Variants in CLHC1 observed in about 807,000 individuals in gnomAD.
CLHC1 encodes the protein clathrin heavy chain linker domain-containing protein 1.
Under a neutral mutation model 69.5 loss-of-function variants are expected in CLHC1, and 72 were observed. That is an observed-to-expected ratio of 1.04 (90% confidence interval 0.86 to 1.26). The LOEUF is 1.26. CLHC1 is among the 50% of genes most tolerant of loss of function. The pLI is 0.00. For synonymous variants in CLHC1, 223 were observed against 224.3 expected, an observed-to-expected ratio of 0.99 and a Z score of 0.05; for missense variants, 790 against 679.3, an observed-to-expected ratio of 1.16 and a Z score of -1.81.
chr2:55,212,896 T>G, intron 4 of CLHC1, 90 bp from the exon 5 acceptor site: 1 of 1,016,618 alleles, frequency 9.8e-7, no homozygotes, highest in East Asian at 2.5e-5. Flanking sequence ...ATCATTACTT[T>G]ATTTTGAACC....
upstream of CLHC1, chr2:55,232,478 T>G: frequency 2.6e-6 from 1 of 383,308 alleles, no homozygotes; most frequent in East Asian, 5.7e-5. Context: ...ATCTTTTACG[T>G]TGCTTAAACC....
chr2:55,202,200 T>C (rs542073717), intron 9 of CLHC1, among the ~76,000 whole-genome samples: 4 of 151,426 alleles, frequency 2.6e-5, no homozygotes, highest in Admixed American at 2.6e-4. Flanking sequence ...GGCATCCAAA[T>C]TGGAAAGGAA....
At chr2:55,224,457 T>A in intron 2 of CLHC1, 1 of 404,742 alleles carries the variant, frequency 2.5e-6, no homozygotes, top group Non-Finnish European at 5.1e-6. Context: ...AGATTCCTGG[T>A]CCTTAGCTGG....
In CLHC1 at chr2:55,224,881, C is replaced by T. The variant is rs1674541906; in HGVS notation, c.-82-2388G>A. 3.4e-5 allele frequency: 7 copies of T among 207,998 alleles called. No individual in the cohort carries two copies. In the East Asian group the frequency reaches 1.1e-3, roughly 32 times the overall value. 12.9% of individuals were successfully genotyped at this position (207,998 alleles called of 1,614,324 possible). On this transcript the variant is annotated intron_variant, in intron 2 of 12. Coordinates refer to ENST00000401408, the MANE Select transcript of CLHC1 (RefSeq NM_152385.4). ...GGCTGGGTCAACTGGCAGCACCCTG[C>T]ACGGAGCTCCTGGGCCAGCCTGCGC... is the stretch of plus-strand genomic sequence containing the variant.
At position 55,222,420 on chromosome 2, in the gene CLHC1, A is replaced by G; in HGVS notation, c.-9T>C. 6.2e-7 allele frequency: 1 copy of G among 1,611,710 alleles called. No homozygotes were observed. Among genetic ancestry groups the G allele is most frequent in the Non-Finnish European group, 8.5e-7 (1 of 1,178,944 alleles). ...ATTTGATGAACTGACATATTTGACA[A>G]TCTGCACACTTGTTCACTGAAGAAC... On this transcript the variant is annotated 5_prime_UTR_variant, in exon 3 of 13. Coordinates refer to ENST00000401408, the MANE Select transcript of CLHC1 (RefSeq NM_152385.4).
chr2:55,212,403 C>G (rs1312417578), intron 5 of CLHC1, among the ~76,000 whole-genome samples: 1 of 152,186 alleles, frequency 6.6e-6, no homozygotes, highest in Non-Finnish European at 1.5e-5. Flanking sequence ...TCTAAGAGGT[C>G]TTTAGGTGAT....
chr2:55,201,934 C>T (rs1216363183), intron 9 of CLHC1, among the ~76,000 whole-genome samples: 1 of 151,954 alleles, frequency 6.6e-6, no homozygotes, highest in Non-Finnish European at 1.5e-5. Context: ...TCAAGAGATG[C>T]TGAAAAAGCA....
intron 9 of CLHC1, among the ~76,000 whole-genome samples, chr2:55,185,365 A>AC (rs1452851173): frequency 2.6e-5 from 4 of 152,110 alleles, no homozygotes; most frequent in East Asian, 3.8e-4. Flanking sequence ...GTCAGATGAT[A>AC]CCCCCTTCCA....
intron 5 of CLHC1, among the ~76,000 whole-genome samples, chr2:55,212,030 A>G (rs1673059967): frequency 6.6e-6 from 1 of 152,092 alleles, no homozygotes; most frequent in Admixed American, 6.6e-5. Context: ...TAATCCCAGC[A>G]CTCTGGGAGG....
intron 1 of CLHC1, among the ~76,000 whole-genome samples, chr2:55,229,536 GC>G (rs1675058192): frequency 6.6e-6 from 1 of 152,190 alleles, no homozygotes; most frequent in African/African-American, 2.4e-5. Flanking sequence ...AGATTATGTA[GC>G]ATGTAGGGTC....
At chr2:55,220,177 C>G (rs1358893217) in intron 3 of CLHC1, among the ~76,000 whole-genome samples, 2 of 152,172 alleles carry the variant, frequency 1.3e-5, no homozygotes, top group African/African-American at 4.8e-5. Context: ...AGGTATGATT[C>G]TCCAGGTCAA....
In CLHC1 at chr2:55,175,994, G is replaced by GA. The variant is rs780229425; in HGVS notation, c.1565-9dup. ...TAAGACTTTCTACTGCATCTGTGGG[G>GA]AAAAAATACAATATTATAGTATGGC... On this transcript the variant is annotated splice_polypyrimidine_tract_variant and intron_variant, in intron 12 of 12. Transcript: ENST00000401408. The GA allele has an allele frequency of 6.2e-7, 1 of 1,604,554 alleles. No homozygotes were observed. Among genetic ancestry groups the GA allele is most frequent in the South Asian group, 1.1e-5 (1 of 90,584 alleles).
intron 9 of CLHC1, among the ~76,000 whole-genome samples, chr2:55,199,833 G>A (rs965088656): frequency 1.3e-5 from 2 of 151,878 alleles, no homozygotes; most frequent in African/African-American, 4.8e-5. Flanking sequence ...AAAGAAGGAA[G>A]AGAAGACCAT....
In CLHC1 at chr2:55,222,287, T is replaced by C. The variant is rs374097064; in HGVS notation, c.125A>G (p.Glu42Gly). The C allele has an allele frequency of 1.9e-5, 30 of 1,613,786 alleles. No individual in the cohort carries two copies. The African/African-American group carries it at 3.6e-4, about 19-fold the overall frequency. ...ITETERLGCS[E>G]EGPADEYYII... ...GTAATATTCATCAGCAGGTCCTTCC[T>C]CACTACAGCCCAGTCTTTCAGTTTC... is the stretch of plus-strand genomic sequence containing the variant. The change falls in exon 3 of 13, where the codon GAG (glutamate) becomes GGG (glycine). Residue 42 changes from glutamate (E) to glycine (G), a missense_variant. Coordinates refer to ENST00000401408, the MANE Select transcript of CLHC1 (RefSeq NM_152385.4).
At position 55,180,532 on chromosome 2, in the gene CLHC1, C is replaced by T; in HGVS notation, c.1362G>A (p.Gln454=). 1 of 1,613,868 alleles carries T rather than the reference C, an allele frequency of 6.2e-7. No homozygotes were observed. Among genetic ancestry groups the T allele is most frequent in the Non-Finnish European group, 8.5e-7 (1 of 1,179,760 alleles). ...GQTHRVMEYI[Q]QLKDFTTDDL... The stretch of plus-strand genomic sequence containing the variant: ...TACCGGTAGTAAAGTCCTTCAACTG[C>T]TGTATGTACTCCATGACCCTATGAG... Residue 454 remains glutamine, a synonymous_variant, in exon 11 of 13, where the codon CAG becomes CAA. Transcript: ENST00000401408.
chr2:55,193,478 G>A (rs1223805382), intron 9 of CLHC1, among the ~76,000 whole-genome samples: 2 of 152,010 alleles, frequency 1.3e-5, no homozygotes, highest in Admixed American at 1.3e-4. Flanking sequence ...TTACAAATGA[G>A]CAAAGGACAG....
intron 9 of CLHC1, among the ~76,000 whole-genome samples, chr2:55,196,530 C>G (rs933092426): frequency 6.6e-6 from 1 of 152,188 alleles, no homozygotes; most frequent in African/African-American, 2.4e-5. Context: ...CAGGCAGAGT[C>G]ATGAGGCCCC....
In CLHC1 at chr2:55,180,540, A is replaced by T. The variant is rs186667665; in HGVS notation, c.1354T>A (p.Tyr452Asn). Reference protein sequence around the residue: ...KQGQTHRVMEYIQQLKDFTTD... With the variant: ...KQGQTHRVMENIQQLKDFTTD... ...GTAAAGTCCTTCAACTGCTGTATGT[A>T]CTCCATGACCCTATGAGTCTGACCC... The change falls in exon 11 of 13, where the codon TAC (tyrosine) becomes AAC (asparagine). Residue 452 changes from tyrosine to asparagine, a missense_variant. Tyr to Asn is a moderately radical substitution (Grantham distance 143). Transcript: ENST00000401408. The T allele has an allele frequency of 1.9e-6, 3 of 1,613,854 alleles. No individual in the cohort carries two copies. The African/African-American group carries it at 4.0e-5, about 22-fold the overall frequency.
chr2:55,230,449 G>A (rs914866338), intron 1 of CLHC1, among the ~76,000 whole-genome samples: 2 of 152,218 alleles, frequency 1.3e-5, no homozygotes, highest in Non-Finnish European at 2.9e-5. Flanking sequence ...GATATGTGAA[G>A]ATGAAGTTGT....
Sources: allele counts gnomAD v4.1 joint callset (sites outside exome capture counted in the v4.1 genomes callset), GRCh38; gene constraint gnomAD v4.1.1; transcripts MANE v1.5; gene names NCBI Gene and HGNC (gene_info 2026-07-23, HGNC 2026-07-21).